Variants in ADNP2 observed in about 807,000 individuals in gnomAD.
ADNP2 encodes ADNP homeobox 2.
Under a neutral mutation model 16.4 loss-of-function variants are expected in ADNP2, and 8 were observed. That is an observed-to-expected ratio of 0.49 (90% CI 0.29 to 0.88). The LOEUF is 0.88. Ranked by LOEUF, ADNP2 falls within the 40% of genes least tolerant of loss-of-function variation. The pLI, the probability that ADNP2 is intolerant of heterozygous loss-of-function variation, is 0.09. For missense variants in ADNP2, 1,397 were observed against 1,395.1 expected (o/e 1.00, Z -0.02); for synonymous variants, 637 against 545.8 (o/e 1.17, Z -2.33).
Position 80,136,537 on chromosome 18 carries a change from G to A in ADNP2, c.1124G>A (p.Ser375Asn). 1 of 1,614,238 alleles carries A rather than the reference G, an allele frequency of 6.2e-7. No homozygotes were observed. The highest frequency in any genetic ancestry group is 8.5e-7 in the Non-Finnish European group (1 of 1,180,052). The change falls in exon 4 of 4, where the codon AGT (serine) becomes AAT (asparagine). Residue 375 changes from serine (S) to asparagine (N), a missense_variant. Around this residue, in one of 3 missense-constraint regions of ADNP2, gnomAD observed 777 missense variants for 719.4 expected, o/e 1.08. Coordinates refer to ENST00000262198, the MANE Select transcript of ADNP2 (RefSeq NM_014913.4). ...GTGAATCCTCCTGTGTTGCCCTTGA[G>A]TCAGCCAGTCGGACCTGTCAATAAG... ...QSVNPPVLPL[S>N]QPVGPVNKSV...
intron 2 of ADNP2, among the ~76,000 whole-genome samples, chr18:80,120,999 A>G (rs1384775636): frequency 6.6e-6 from 1 of 152,330 alleles, no homozygotes; most frequent in African/African-American, 2.4e-5. Flanking sequence ...GTATATACCT[A>G]GGAGTGGAAT....
chr18:80,134,821 C>G (rs2052521627), intron 3 of ADNP2, among the ~76,000 whole-genome samples: 1 of 148,538 alleles, frequency 6.7e-6, no homozygotes, highest in Middle Eastern at 3.5e-3. Flanking sequence ...TAGGCTTAGT[C>G]TCACTTTCTT....
rs930593278 is a variant in ADNP2, at chr18:80,115,188, T to TA, written c.-13-2341dup. 2.0e-5 allele frequency among the ~76,000 whole-genome samples: 3 copies of TA among 152,210 alleles called. 1 individual carries two copies. The highest frequency in any genetic ancestry group is 4.4e-5 in the Non-Finnish European group (3 of 68,040). Reference sequence around the variant, plus strand: ...GCCACAGGTTGTATCTGTTACTTGATATATGCCCACATTGTCTCGTATCTG... The same window carrying TA: ...GCCACAGGTTGTATCTGTTACTTGATAATATGCCCACATTGTCTCGTATCTG... On this transcript the variant is annotated intron_variant, in intron 1 of 3. Coordinates refer to ENST00000262198, the MANE Select transcript of ADNP2 (RefSeq NM_014913.4).
At chr18:80,126,867 T>C (rs2052462439) in intron 2 of ADNP2, among the ~76,000 whole-genome samples, 2 of 152,238 alleles carry the variant, frequency 1.3e-5, no homozygotes, top group Non-Finnish European at 2.9e-5. Context: ...CTCTCCACAG[T>C]CAACCACGGT....
intron 3 of ADNP2, among the ~76,000 whole-genome samples, chr18:80,134,640 A>G (rs1460096186): frequency 6.6e-6 from 1 of 151,792 alleles, no homozygotes; most frequent in East Asian, 1.9e-4. Context: ...GTTATTGCAA[A>G]CCAGCAAGTC....
In ADNP2 at chr18:80,138,866, G is replaced by C. The variant is rs565290830; in HGVS notation, c.*57G>C. 1 of 1,385,260 alleles carries C rather than the reference G, an allele frequency of 7.2e-7. No individual in the cohort carries two copies. Among genetic ancestry groups the C allele is most frequent in the South Asian group, 1.6e-5 (1 of 63,934 alleles). 85.8% of individuals were successfully genotyped at this position (1,385,260 alleles called of 1,614,324 possible). On this transcript the variant is annotated 3_prime_UTR_variant, in exon 4 of 4. Transcript: ENST00000262198. The stretch of plus-strand genomic sequence containing the variant: ...AGTAGTAGGTAGATTTTTTTCAGTT[G>C]AAATTTCACAGTGTTGTCCTCACTG...
chr18:80,114,827 G>T (rs1355837596), intron 1 of ADNP2, among the ~76,000 whole-genome samples: 1 of 152,034 alleles, frequency 6.6e-6, no homozygotes, highest in Non-Finnish European at 1.5e-5. Context: ...GACAGCTAGG[G>T]CTGGAATCCT....
Position 80,139,220 on chromosome 18 carries a change from C to T in ADNP2, c.*411C>T, listed in dbSNP as rs578064718. 1.3e-5 allele frequency: 2 copies of T among 158,442 alleles called. No individual in the cohort carries two copies. Among genetic ancestry groups the T allele is most frequent in the South Asian group, 3.9e-4 (2 of 5,150 alleles). 9.8% of individuals were successfully genotyped at this position (158,442 alleles called of 1,614,324 possible). A position where few individuals can be genotyped will look rare whatever the true frequency, so the allele number is the denominator to read the frequency against. On this transcript the variant is annotated 3_prime_UTR_variant, in exon 4 of 4. Transcript: ENST00000262198. ...TGCGAGTGGAAGCATCGATCTCCTT[C>T]AGCTTTCCCTGTAGCAGCAGATGGT...
intron 2 of ADNP2, among the ~76,000 whole-genome samples, chr18:80,118,370 GT>G (rs1224129542): frequency 6.6e-6 from 1 of 152,046 alleles, no homozygotes; most frequent in Non-Finnish European, 1.5e-5. Flanking sequence ...AGAAGTTGCA[GT>G]GAGCCGAGAT....
At chr18:80,117,977 C>T (rs2052400000) in intron 2 of ADNP2, among the ~76,000 whole-genome samples, 1 of 152,052 alleles carries the variant, frequency 6.6e-6, no homozygotes. Flanking sequence ...AACAAATGGG[C>T]ATGCATAAAT....
rs750689089 is a variant in ADNP2, at chr18:80,135,786, A to G, written c.373A>G (p.Arg125Gly). 1.9e-6 allele frequency: 3 copies of G among 1,614,256 alleles called. No individual in the cohort carries two copies. The highest frequency in any genetic ancestry group is 1.1e-5 in the South Asian group (1 of 91,086). ...SQPKVVGRHF[R>G]MFHAPVRKVQ... ...GCCCAAAGTTGTGGGAAGGCACTTC[A>G]GAATGTTCCATGCACCTGTCCGGAA... Residue 125 changes from arginine to glycine, a missense_variant, in exon 4 of 4, where the codon AGA becomes GGA. Arg to Gly is a moderately radical substitution (Grantham distance 125). Transcript: ENST00000262198.
At chr18:80,130,480 T>A (rs376696311) in intron 2 of ADNP2, among the ~76,000 whole-genome samples, 1 of 152,224 alleles carries the variant, frequency 6.6e-6, no homozygotes, top group East Asian at 1.9e-4. Flanking sequence ...GTGAAGTAGC[T>A]GAGAGCAAAA....
chr18:80,138,912 T>C lies in ADNP2; in HGVS notation c.*103T>C. On this transcript the variant is annotated 3_prime_UTR_variant, in exon 4 of 4. Transcript: ENST00000262198. ...CACTGTGTTGGTGAATCAACCTCAG[T>C]GGTCACTGTGCTGCTCTGCAGAGTT... 1 of 1,109,936 alleles carries C rather than the reference T, an allele frequency of 9.0e-7. No homozygotes were observed. The highest frequency in any genetic ancestry group is 1.2e-6 in the Non-Finnish European group (1 of 810,508). 68.8% of individuals were successfully genotyped at this position (1,109,936 alleles called of 1,614,324 possible). A position where few individuals can be genotyped will look rare whatever the true frequency, so the allele number is the denominator to read the frequency against.
rs762944585 is a variant in ADNP2 at position 80,133,092 on chromosome 18, C to G, written c.109-11C>G. The stretch of plus-strand genomic sequence containing the variant: ...TTTACATAATCTCTTTTTTTTCTCC[C>G]TTTTTAAAAGGACCTTAAAGGCTTT... On this transcript the variant is annotated splice_polypyrimidine_tract_variant and intron_variant, in intron 2 of 3. Transcript: ENST00000262198. The G allele has an allele frequency of 1.3e-6, 2 of 1,560,110 alleles. No homozygotes were observed. Among genetic ancestry groups the G allele is most frequent in the East Asian group, 2.3e-5 (1 of 44,430 alleles).
chr18:80,133,024 T>C, intron 2 of ADNP2, 79 bp from the exon 3 acceptor site: 1 of 1,057,864 alleles, frequency 9.5e-7, no homozygotes, highest in Non-Finnish European at 1.4e-6. Context: ...CCCGGCCTTA[T>C]AATCTCATCA....
rs770701065 is a variant in ADNP2, at chr18:80,136,816, G to A, written c.1403G>A (p.Gly468Glu). The change falls in exon 4 of 4, where the codon GGG becomes GAG. Residue 468 changes from glycine (G) to glutamate (E), a missense_variant. Physicochemically the swap from Gly to Glu is moderately conservative, Grantham distance 98. Coordinates refer to ENST00000262198, the MANE Select transcript of ADNP2 (RefSeq NM_014913.4). ...GQMTPAGVIP[G>E]QTATSGVLPT... ...ATGACTCCTGCAGGGGTTATCCCTG[G>A]GCAAACAGCAACTTCTGGGGTTCTT... 5 of 1,612,258 alleles carry A rather than the reference G, an allele frequency of 3.1e-6. No individual in the cohort carries two copies. The highest frequency in any genetic ancestry group is 3.4e-6 in the Non-Finnish European group (4 of 1,178,662).
intron 3 of ADNP2, among the ~76,000 whole-genome samples, chr18:80,134,874 A>G (rs1455722093): frequency 6.6e-6 from 1 of 152,170 alleles, no homozygotes; most frequent in Non-Finnish European, 1.5e-5. Context: ...GCATGGGCCA[A>G]ACACTGTCCA....
chr18:80,111,388 G>C (rs1261683233), intron 1 of ADNP2, among the ~76,000 whole-genome samples: 1 of 152,124 alleles, frequency 6.6e-6, no homozygotes, highest in Admixed American at 6.5e-5. Flanking sequence ...CTGAGGCCTG[G>C]AGAGAGTAAG....
intron 3 of ADNP2, among the ~76,000 whole-genome samples, chr18:80,134,047 C>T (rs928486624): frequency 3.9e-5 from 6 of 151,982 alleles, no homozygotes; most frequent in Non-Finnish European, 8.8e-5. Flanking sequence ...ACCCATTTTT[C>T]AGTCTCTGAC....
Sources: allele counts gnomAD v4.1 joint callset (sites outside exome capture counted in the v4.1 genomes callset), GRCh38; gene constraint gnomAD v4.1.1; regional missense constraint gnomAD v4.1.1; transcripts MANE v1.5; gene names NCBI Gene and HGNC (gene_info 2026-07-23, HGNC 2026-07-21).